ARF4: variants seen among roughly 807,000 people sequenced by gnomAD.
The protein encoded by ARF4 is ADP-ribosylation factor 4.
ARF4 carries 5 observed loss-of-function variants against 24.3 expected under a neutral mutation model. The observed-to-expected ratio is 0.21, with a 90% CI of 0.11 to 0.43. The LOEUF (loss-of-function observed/expected upper bound fraction) is 0.43, where lower values mean the gene tolerates loss of function less well. Among genes scored for constraint, ARF4 ranks in the 20% least tolerant of loss-of-function variants. ARF4 has a pLI of 1.00. For synonymous variants in ARF4, 62 were observed against 73.5 expected, an observed-to-expected ratio of 0.84 and a Z score of 0.80; for missense variants, 107 against 213.0, an observed-to-expected ratio of 0.50 and a Z score of 3.10.
At chr3:57,590,507 C>T (rs1277221928) in intron 1 of ARF4, among the ~76,000 whole-genome samples, 1 of 151,936 alleles carries the variant, frequency 6.6e-6, no homozygotes, top group Non-Finnish European at 1.5e-5. Context: ...AAAGTTAGAT[C>T]CAATGATCTC....
At chr3:57,588,861 G>C (rs957807979) in intron 1 of ARF4, among the ~76,000 whole-genome samples, 4 of 152,016 alleles carry the variant, frequency 2.6e-5, no homozygotes, top group Non-Finnish European at 5.9e-5. Context: ...CCAGCACTTT[G>C]GGAAGCCAAG....
intron 3 of ARF4, among the ~76,000 whole-genome samples, chr3:57,583,440 TA>T (rs1246336050): frequency 6.6e-6 from 1 of 152,182 alleles, no homozygotes; most frequent in East Asian, 1.9e-4. Context: ...GTATTATATA[TA>T]CATACTATGT....
At chr3:57,585,725 C>A (rs2070028485) in intron 1 of ARF4, among the ~76,000 whole-genome samples, 1 of 143,942 alleles carries the variant, frequency 6.9e-6, no homozygotes, top group Admixed American at 7.3e-5. Flanking sequence ...TGCAATGGTG[C>A]AATATCAGCT....
chr3:57,573,763 G>A (rs1439536986), intron 5 of ARF4, among the ~76,000 whole-genome samples: 1 of 152,028 alleles, frequency 6.6e-6, no homozygotes, highest in Non-Finnish European at 1.5e-5. Context: ...TGTAATTTTA[G>A]TAGAGACAGA....
At chr3:57,583,866 G>A in intron 3 of ARF4, 32 bp downstream of exon 3, 4 of 1,451,984 alleles carry the variant, frequency 2.8e-6, no homozygotes, top group Non-Finnish European at 3.8e-6. Context: ...AACCCACAAA[G>A]AAAAGTTATA....
chr3:57,579,654 A>G (rs1351124054), intron 3 of ARF4, among the ~76,000 whole-genome samples: 24 of 152,156 alleles, frequency 1.6e-4, no homozygotes, highest in Non-Finnish European at 1.5e-5. Flanking sequence ...AGGAGCATCT[A>G]ACACTTATTT....
chr3:57,597,259 A>G lies in ARF4; in HGVS notation c.-119T>C. 1 of 983,560 alleles carries G rather than the reference A, an allele frequency of 1.0e-6. No homozygotes were observed. The highest frequency in any genetic ancestry group is 1.5e-6 in the Non-Finnish European group (1 of 648,076). The allele number at this position is 983,560 out of a possible 1,614,324, so 60.9% of individuals were successfully genotyped here. A position where few individuals can be genotyped will look rare whatever the true frequency, so the allele number is the denominator to read the frequency against. On this transcript the variant is annotated 5_prime_UTR_variant, in exon 1 of 6. Coordinates refer to ENST00000303436, the MANE Select transcript of ARF4 (RefSeq NM_001660.4). ...GGGAAGAGAAAGAGCGGAGGAAGAAAGAGGGAGGCAGAAACGTCTCAGTGG... is the reference window on the plus strand; with the variant it reads ...GGGAAGAGAAAGAGCGGAGGAAGAAGGAGGGAGGCAGAAACGTCTCAGTGG...
chr3:57,586,957 A>ATG (rs1559785852), intron 1 of ARF4, among the ~76,000 whole-genome samples: 1 of 150,986 alleles, frequency 6.6e-6, no homozygotes, highest in Non-Finnish European at 1.5e-5. Context: ...ACACACACGC[A>ATG]CACACACAAA....
At chr3:57,589,964 G>A (rs1470129805) in intron 1 of ARF4, among the ~76,000 whole-genome samples, 2 of 149,614 alleles carry the variant, frequency 1.3e-5, no homozygotes, top group Admixed American at 1.3e-4. Flanking sequence ...GGTGGCGGGC[G>A]CCTGTAATCC....
rs35901487 is a variant in ARF4 at position 57,573,201 on chromosome 3, C to CAA, written c.457-905_457-904dup. 1.2e-3 allele frequency among the ~76,000 whole-genome samples: 156 copies of CAA among 125,724 alleles called. 3 individuals are homozygous for CAA. The highest frequency in any genetic ancestry group is 4.0e-3 in the Middle Eastern group (1 of 250). 82.5% of individuals were successfully genotyped at this position (125,724 alleles called of 152,430 possible). ...TGGGTGACAGAGCAAGACTCCATCT[C>CAA]AAAAAAAAAAAAAAGAAAGAAAGAA... is the stretch of plus-strand genomic sequence containing the variant. On this transcript the variant is annotated intron_variant, in intron 5 of 5. Coordinates refer to ENST00000303436, the MANE Select transcript of ARF4 (RefSeq NM_001660.4).
Position 57,585,025 on chromosome 3 carries a change from G to A in ARF4, c.68-561C>T, listed in dbSNP as rs561234685. On this transcript the variant is annotated intron_variant, in intron 1 of 5. Transcript: ENST00000303436. Reference sequence around the variant, plus strand: ...ACTACAGGCGCCCACCACCACGCCCGGCTAATTTTTGTATTTTTAGTAGAG... The same window carrying A: ...ACTACAGGCGCCCACCACCACGCCCAGCTAATTTTTGTATTTTTAGTAGAG... Among the ~76,000 whole-genome samples the A allele has an allele frequency of 9.9e-5, 15 of 152,082 alleles. No individual in the cohort carries two copies. The East Asian group carries it at 2.3e-3, about 24-fold the overall frequency.
intron 1 of ARF4, among the ~76,000 whole-genome samples, chr3:57,593,043 A>G (rs2070134138): frequency 6.6e-6 from 1 of 152,030 alleles, no homozygotes; most frequent in Non-Finnish European, 1.5e-5. Context: ...CATTCTCTAC[A>G]AAATAATTTA....
At chr3:57,577,568 T>C (rs1007517979) in intron 3 of ARF4, among the ~76,000 whole-genome samples, 181 bp from the exon 4 acceptor site, 1 of 152,214 alleles carries the variant, frequency 6.6e-6, no homozygotes, top group African/African-American at 2.4e-5. Flanking sequence ...TTTAATTTAT[T>C]AGTGCTATTT....
intron 5 of ARF4, among the ~76,000 whole-genome samples, chr3:57,573,586 C>G (rs369229115): frequency 6.6e-6 from 1 of 152,014 alleles, no homozygotes; most frequent in Non-Finnish European, 1.5e-5. Flanking sequence ...ATTGATTGAT[C>G]GACTGATTGT....
At chr3:57,594,636 C>T (rs1466484676) in intron 1 of ARF4, among the ~76,000 whole-genome samples, 1 of 152,178 alleles carries the variant, frequency 6.6e-6, no homozygotes, top group Non-Finnish European at 1.5e-5. Context: ...TTTGGCAAAC[C>T]TGACACATCA....
At chr3:57,595,472 G>A (rs1354048648) in intron 1 of ARF4, among the ~76,000 whole-genome samples, 1 of 152,086 alleles carries the variant, frequency 6.6e-6, no homozygotes, top group East Asian at 1.9e-4. Context: ...CTTGACAAAG[G>A]AAATCTAAGA....
chr3:57,572,446 G>A (rs998190060), intron 5 of ARF4, 148 bp from the exon 6 acceptor site: 10 of 600,630 alleles, frequency 1.7e-5, no homozygotes, highest in Middle Eastern at 4.5e-4. Context: ...CTGGCTGGGC[G>A]TGGTGGCTCA....
At chr3:57,580,316 G>A (rs1247002396) in intron 3 of ARF4, among the ~76,000 whole-genome samples, 1 of 152,016 alleles carries the variant, frequency 6.6e-6, no homozygotes, top group Admixed American at 6.6e-5. Flanking sequence ...GGCTTATCAT[G>A]GGCATTTATT....
intron 1 of ARF4, among the ~76,000 whole-genome samples, chr3:57,591,559 C>T (rs565236792): frequency 5.4e-4 from 82 of 151,880 alleles, no homozygotes; most frequent in African/African-American, 1.7e-3. Context: ...CTCCACCTCC[C>T]GGGTTCAAGG....
Sources: gnomAD v4.1 joint callset for allele counts (sites outside exome capture counted in the v4.1 genomes callset) on GRCh38, gnomAD v4.1.1 for gene constraint, MANE v1.5 for transcripts, NCBI Gene and HGNC (gene_info 2026-07-23, HGNC 2026-07-21) for gene names.